Variants in ZSCAN1 observed in about 807,000 individuals in gnomAD.
ZSCAN1 encodes the protein zinc finger and SCAN domain containing 1, also known as zinc finger and SCAN domain-containing protein 1.
Under a neutral mutation model 23.8 loss-of-function variants are expected in ZSCAN1, and 23 were observed. The observed-to-expected ratio is 0.97, with a 90% CI of 0.70 to 1.37. The LOEUF (loss-of-function observed/expected upper bound fraction) is 1.37. ZSCAN1 is among the 40% of genes most tolerant of loss of function. ZSCAN1 has a pLI of 0.00. For synonymous variants in ZSCAN1, 236 were observed against 232.3 expected, an observed-to-expected ratio of 1.02 and a Z score of -0.15; for missense variants, 575 against 554.0, an observed-to-expected ratio of 1.04 and a Z score of -0.38.
chr19:58,046,687 G>A (rs1278721603), intron 4 of ZSCAN1: 7 of 870,756 alleles, frequency 8.0e-6, no homozygotes, highest in South Asian at 1.3e-5. Context: ...TCAGGTGGCC[G>A]AGATTGTAGC....
intron 3 of ZSCAN1, among the ~76,000 whole-genome samples, chr19:58,039,566 A>G (rs1013628952): frequency 5.9e-5 from 9 of 152,138 alleles, no homozygotes; most frequent in Non-Finnish European, 1.3e-4. Flanking sequence ...CAGGAGTTCG[A>G]GACTAGCCTG....
chr19:58,042,751 C>G (rs1275694267), intron 4 of ZSCAN1, among the ~76,000 whole-genome samples: 1 of 152,170 alleles, frequency 6.6e-6, no homozygotes, highest in African/African-American at 2.4e-5. Flanking sequence ...AAACCACAGC[C>G]GCGCTCACAG....
rs2073868888 is a variant in ZSCAN1, at chr19:58,053,062, C to G, written c.605-367C>G. ...GCAACCTCCGCCTCCTGGGTTCAAGCGATTCTCCTGCCTCACCCTCCTGAG... is the reference window on the plus strand; with the variant it reads ...GCAACCTCCGCCTCCTGGGTTCAAGGGATTCTCCTGCCTCACCCTCCTGAG... On this transcript the variant is annotated intron_variant, in intron 5 of 5. Coordinates refer to ENST00000282326, the MANE Select transcript of ZSCAN1 (RefSeq NM_182572.4). This position sits in a 1 kb window ranked among gnomAD's most constrained non-coding sequence, Gnocchi z 5.8. Among the ~76,000 whole-genome samples, 1 of 151,512 alleles carries G rather than the reference C, an allele frequency of 6.6e-6. No individual in the cohort carries two copies. Among genetic ancestry groups the G allele is most frequent in the East Asian group, 1.9e-4 (1 of 5,170 alleles).
At chr19:58,044,901 C>T in intron 4 of ZSCAN1, 2 of 820,980 alleles carry the variant, frequency 2.4e-6, no homozygotes, top group Non-Finnish European at 4.2e-6. Flanking sequence ...GCCTTCCTGC[C>T]CGCGGCTGGC....
Position 58,045,377 on chromosome 19 carries a change from G to A in ZSCAN1, c.465+4833G>A. 2.3e-6 allele frequency: 2 copies of A among 860,610 alleles called. No individual in the cohort carries two copies. Among genetic ancestry groups the A allele is most frequent in the Admixed American group, 1.7e-5 (1 of 59,038 alleles). The allele number at this position is 860,610 out of a possible 1,614,324, so 53.3% of individuals were successfully genotyped here. On this transcript the variant is annotated intron_variant, in intron 4 of 5. Coordinates refer to ENST00000282326, the MANE Select transcript of ZSCAN1 (RefSeq NM_182572.4). This position sits in a 1 kb window ranked among gnomAD's most constrained non-coding sequence, Gnocchi z 4.3. ...AGCTGGAGCTAGCCGAGTTCCTCCA[G>A]GACACCATCCAGGAGATGGCCTTGA...
rs1341767706 is a variant in ZSCAN1, at chr19:58,054,134, A to G, written c.*83A>G. The G allele has an allele frequency of 7.0e-7, 1 of 1,424,648 alleles. No individual in the cohort carries two copies. The highest frequency in any genetic ancestry group is 9.2e-7 in the Non-Finnish European group (1 of 1,090,760). 88.3% of individuals were successfully genotyped at this position (1,424,648 alleles called of 1,614,324 possible). A position where few individuals can be genotyped will look rare whatever the true frequency, so the allele number is the denominator to read the frequency against. The stretch of plus-strand genomic sequence containing the variant: ...CCCCAGAAGATGGGGGACATCCCCC[A>G]GCCCCACCAACCCCTGGCCACCTTG... On this transcript the variant is annotated 3_prime_UTR_variant, in exon 6 of 6. Transcript: ENST00000282326. This position sits in a 1 kb window ranked among gnomAD's most constrained non-coding sequence, Gnocchi z 4.2.
intron 2 of ZSCAN1, 135 bp downstream of exon 2, chr19:58,036,146 C>T (rs2073734093): frequency 6.6e-6 from 1 of 152,200 alleles, no homozygotes; most frequent in South Asian, 2.1e-4. Context: ...TGTCTACTCC[C>T]CGTGGTCATG....
chr19:58,054,850 A>AT (rs113127205), downstream of ZSCAN1, among the ~76,000 whole-genome samples: 498 of 150,104 alleles, frequency 3.3e-3, 1 homozygote, highest in African/African-American at 0.01. The surrounding 1 kb of genome is among the most constrained non-coding windows in gnomAD (Gnocchi z 4.2). Context: ...TTACAGAAGG[A>AT]TTTTTTTTTT....
chr19:58,046,085 G>C (rs767348982), intron 4 of ZSCAN1: 3 of 682,502 alleles, frequency 4.4e-6, no homozygotes, highest in Non-Finnish European at 8.0e-6. Context: ...CAAAGGCCAG[G>C]GGCCCAGCCC....
In ZSCAN1 at chr19:58,040,428, A is replaced by G. The variant is rs2073779119; in HGVS notation, c.371-22A>G. 9 of 1,612,776 alleles carry G rather than the reference A, an allele frequency of 5.6e-6. No individual in the cohort carries two copies. In the East Asian group the frequency reaches 2.0e-4, roughly 36 times the overall value. ...GCTCTGGGAAGAACAGGCCCCTCTCACGATCCCTTTCTCCCGCACAGTTCT... is the reference window on the plus strand; with the variant it reads ...GCTCTGGGAAGAACAGGCCCCTCTCGCGATCCCTTTCTCCCGCACAGTTCT... On this transcript the variant is annotated intron_variant, in intron 3 of 5. Coordinates refer to ENST00000282326, the MANE Select transcript of ZSCAN1 (RefSeq NM_182572.4). The surrounding 1 kb of genome is among the most constrained non-coding windows in gnomAD (Gnocchi z 5.8).
At position 58,037,770 on chromosome 19, in the gene ZSCAN1, T is replaced by G; in HGVS notation, c.-67T>G. Reference sequence around the variant, plus strand: ...CTGTCCGCCTGCCACACCGGCTCTGTCCGGAGCCACTGGGACTCGGGATCC... The same window carrying G: ...CTGTCCGCCTGCCACACCGGCTCTGGCCGGAGCCACTGGGACTCGGGATCC... On this transcript the variant is annotated 5_prime_UTR_variant, in exon 3 of 6. Coordinates refer to ENST00000282326, the MANE Select transcript of ZSCAN1 (RefSeq NM_182572.4). The G allele has an allele frequency of 7.0e-7, 1 of 1,430,600 alleles. No homozygotes were observed. Among genetic ancestry groups the G allele is most frequent in the Non-Finnish European group, 9.1e-7 (1 of 1,095,606 alleles). The allele number at this position is 1,430,600 out of a possible 1,614,324, so 88.6% of individuals were successfully genotyped here.
chr19:58,038,247 G>A (rs768650179), intron 3 of ZSCAN1, 41 bp downstream of exon 3: 1 of 1,566,298 alleles, frequency 6.4e-7, no homozygotes, highest in South Asian at 1.2e-5. Flanking sequence ...GGGCCAGGGG[G>A]CCTGACGTCT....
At position 58,040,500 on chromosome 19, in the gene ZSCAN1, G is replaced by A. The variant is rs147981030; in HGVS notation, c.421G>A (p.Glu141Lys). The A allele has an allele frequency of 4.8e-5, 78 of 1,613,644 alleles. No homozygotes were observed. The highest frequency in any genetic ancestry group is 1.6e-4 in the Middle Eastern group (1 of 6,062). ...ACCCCAGGACTGGAGTTTCGGTGAG[G>A]AGGAAGATGGGAAGAGTCCAAGGTC... Reference protein sequence around the residue: ...VEPQDWSFGEEEDGKSPRSQK... With the variant: ...VEPQDWSFGEKEDGKSPRSQK... The change falls in exon 4 of 6, where the codon GAG becomes AAG. Residue 141 changes from glutamate to lysine, a missense_variant. By Grantham distance (56) the Glu-to-Lys change is moderately conservative. Transcript: ENST00000282326. The surrounding 1 kb of genome is among the most constrained non-coding windows in gnomAD (Gnocchi z 5.8).
intron 4 of ZSCAN1, among the ~76,000 whole-genome samples, chr19:58,044,018 C>T (rs926860929): frequency 6.6e-6 from 1 of 151,842 alleles, no homozygotes; most frequent in African/African-American, 2.4e-5. Context: ...CGCCTGTAAT[C>T]CCAGCACTTT....
downstream of ZSCAN1, among the ~76,000 whole-genome samples, chr19:58,055,767 G>C (rs1412374902): frequency 6.6e-6 from 1 of 152,266 alleles, no homozygotes; most frequent in East Asian, 1.9e-4. Flanking sequence ...AGCTCAGTTT[G>C]TTGGTGCCAG....
At position 58,038,225 on chromosome 19, in the gene ZSCAN1, C is replaced by T. The variant is rs2241406; in HGVS notation, c.370+19C>T. 6.3e-7 allele frequency: 1 copy of T among 1,589,934 alleles called. No individual in the cohort carries two copies. The highest frequency in any genetic ancestry group is 8.5e-7 in the Non-Finnish European group (1 of 1,171,706). ...CAGGAAGGTGAGAGGCGCAGGCTTC[C>T]TGCCCCGGGCCGGGCCAGGGGGCCT... On this transcript the variant is annotated intron_variant, in intron 3 of 5. Transcript: ENST00000282326.
intron 4 of ZSCAN1, chr19:58,044,928 T>A: frequency 3.3e-6 from 3 of 917,786 alleles, no homozygotes. Flanking sequence ...CGCGCCCTGT[T>A]GGTGATGACT....
downstream of ZSCAN1, among the ~76,000 whole-genome samples, chr19:58,054,989 A>C (rs1599911638): frequency 6.6e-6 from 1 of 152,236 alleles, no homozygotes; most frequent in Admixed American, 6.5e-5. The surrounding 1 kb of genome is among the most constrained non-coding windows in gnomAD (Gnocchi z 4.2). Flanking sequence ...GCAGGCGGTG[A>C]CGTCACAGCG....
At chr19:58,038,529 C>T (rs2073759265) in intron 3 of ZSCAN1, 1 of 555,572 alleles carries the variant, frequency 1.8e-6, no homozygotes, top group African/African-American at 1.9e-5. Flanking sequence ...TCCTCCCAGC[C>T]ACCTGCAGCG....
Sources: gnomAD v4.1 joint callset for allele counts (sites outside exome capture counted in the v4.1 genomes callset) on GRCh38, gnomAD v4.1.1 for gene constraint, Gnocchi (gnomAD v3.1) non-coding constraint, MANE v1.5 for transcripts, NCBI Gene and HGNC (gene_info 2026-07-23, HGNC 2026-07-21) for gene names.